TUT4: variants seen among roughly 807,000 people sequenced by gnomAD.
TUT4 encodes terminal uridylyltransferase 4.
In TUT4, 36 loss-of-function variants were observed where a neutral mutation model predicts 192.2. The ratio of observed to expected loss-of-function variants is 0.19; its 90% CI spans 0.14 to 0.25. The LOEUF (loss-of-function observed/expected upper bound fraction) is 0.25, where lower values mean the gene tolerates loss of function less well. Ranked by LOEUF, TUT4 falls within the 10% of genes least tolerant of loss-of-function variation. The pLI is 1.00. For synonymous variants in TUT4, 618 were observed against 666.0 expected (o/e 0.93, Z 1.11); for missense variants, 1,493 against 1,957.2 (o/e 0.76, Z 4.47).
chr1:52,476,989 TTTGTCAACATCAGTTTTTATTTTTC>T (rs1667259832), intron 12 of TUT4, among the ~76,000 whole-genome samples: 1 of 152,226 alleles, frequency 6.6e-6, no homozygotes, highest in Non-Finnish European at 1.5e-5. Context: ...GATGTGAAAC[TTTGTCAACATCAGTTTTTATTTTTC>T]TCCTTTAGCG....
At chr1:52,531,434 T>C (rs1408637347) in intron 1 of TUT4, among the ~76,000 whole-genome samples, 8 of 152,138 alleles carry the variant, frequency 5.3e-5, no homozygotes, top group Non-Finnish European at 8.8e-5. Context: ...AAGGGACTTC[T>C]GTACAGTCTT....
chr1:52,463,226 T>C, intron 16 of TUT4: 1 of 986,450 alleles, frequency 1.0e-6, no homozygotes, highest in Non-Finnish European at 1.2e-6. Context: ...AGAAGATATC[T>C]AAAACTCTAA....
At chr1:52,501,614 C>CA (rs1052702188) in intron 4 of TUT4, among the ~76,000 whole-genome samples, 6 of 151,850 alleles carry the variant, frequency 4.0e-5, no homozygotes, top group East Asian at 1.9e-4. Flanking sequence ...TGGGTATATA[C>CA]AAAAAACAAA....
At position 52,425,331 on chromosome 1, in the gene TUT4, AT is replaced by A; in HGVS notation, c.4870+17del. ...AAAACCCACCCAAGCCTGTTAACTA[AT>A]TTGTAAGCAGTGGTACCTTGAGTAT... On this transcript the variant is annotated intron_variant, in intron 29 of 29. Transcript: ENST00000257177. 6.2e-7 allele frequency: 1 copy of A among 1,609,474 alleles called. No individual in the cohort carries two copies. Among genetic ancestry groups the A allele is most frequent in the Non-Finnish European group, 8.5e-7 (1 of 1,177,188 alleles).
At chr1:52,489,958 T>C (rs934102164) in intron 8 of TUT4, among the ~76,000 whole-genome samples, 1 of 152,286 alleles carries the variant, frequency 6.6e-6, no homozygotes, top group Middle Eastern at 3.4e-3. Context: ...TACTTTCAAA[T>C]AGGATTTAGT....
At chr1:52,503,305 G>C (rs1277920557) in intron 4 of TUT4, among the ~76,000 whole-genome samples, 1 of 151,896 alleles carries the variant, frequency 6.6e-6, no homozygotes, top group Admixed American at 6.6e-5. Context: ...ACAGTCAAGA[G>C]AGAAAGATTA....
chr1:52,472,431 C>T (rs529866416), intron 13 of TUT4, among the ~76,000 whole-genome samples: 1 of 152,090 alleles, frequency 6.6e-6, no homozygotes, highest in South Asian at 2.1e-4. Context: ...TTTTAACTTA[C>T]TGAGATCTAA....
intron 2 of TUT4, among the ~76,000 whole-genome samples, chr1:52,524,356 T>C (rs925519816): frequency 6.6e-6 from 1 of 151,600 alleles, no homozygotes; most frequent in East Asian, 1.9e-4. Flanking sequence ...ACCCCGTCTC[T>C]ACTAAAAATA....
In TUT4 at chr1:52,495,024, T is replaced by C. The variant is rs185849302; in HGVS notation, c.1266+403A>G. ...TATATTAATATTATCTCATTTAATA[T>C]AAAAATTATTATTCCTGTTTTGGAA... is the stretch of plus-strand genomic sequence containing the variant. On this transcript the variant is annotated intron_variant, in intron 6 of 29. Coordinates refer to ENST00000257177, the MANE Select transcript of TUT4 (RefSeq NM_001009881.3). Among the ~76,000 whole-genome samples, 706 of 152,238 alleles carry C rather than the reference T, an allele frequency of 4.6e-3. 1 individual carries two copies. Among genetic ancestry groups the C allele is most frequent in the Non-Finnish European group, 7.5e-3 (508 of 68,008 alleles).
intron 4 of TUT4, among the ~76,000 whole-genome samples, chr1:52,497,765 T>C (rs563064356): frequency 6.6e-6 from 1 of 152,340 alleles, no homozygotes; most frequent in East Asian, 1.9e-4. Flanking sequence ...TTTTCTGATT[T>C]AAAAAATGTT....
At chr1:52,479,478 T>C (rs575645423) in intron 11 of TUT4, among the ~76,000 whole-genome samples, 1 of 152,274 alleles carries the variant, frequency 6.6e-6, no homozygotes, top group Admixed American at 6.5e-5. Context: ...AATCAAATTC[T>C]GGATACATGT....
Position 52,423,505 on chromosome 1 carries a change from CCTAA to C in TUT4, c.*426_*429del, listed in dbSNP as rs1557601449. On this transcript the variant is annotated 3_prime_UTR_variant, in exon 30 of 30. Transcript: ENST00000257177. ...CAATTTAAAACACATGAAATTCTTT[CCTAA>C]CTTTTAAGAACAATATATAAAGTCT... The C allele has an allele frequency of 5.3e-6, 1 of 187,186 alleles. No homozygotes were observed. Among genetic ancestry groups the C allele is most frequent in the East Asian group, 1.5e-4 (1 of 6,468 alleles). The allele number at this position is 187,186 out of a possible 1,614,324, so 11.6% of individuals were successfully genotyped here.
chr1:52,497,215 CA>C lies in TUT4; in HGVS notation c.1000-33del, dbSNP rs34809739. The C allele has an allele frequency of 3.0e-3, 4,548 of 1,531,440 alleles. 35 individuals carry two copies. The highest frequency in any genetic ancestry group is 0.027 in the African/African-American group (1,889 of 70,548). The allele number at this position is 1,531,440 out of a possible 1,614,324, so 94.9% of individuals were successfully genotyped here. On this transcript the variant is annotated intron_variant, in intron 4 of 29. Transcript: ENST00000257177. Reference sequence around the variant, plus strand: ...ATGTAATGATTCACAACAATAAAAACAAAAAAAGTTTCTATTTTAATTGTTC... The same window carrying C: ...ATGTAATGATTCACAACAATAAAAACAAAAAAGTTTCTATTTTAATTGTTC...
At chr1:52,443,448 G>C (rs1656340676) in intron 24 of TUT4, among the ~76,000 whole-genome samples, 1 of 151,614 alleles carries the variant, frequency 6.6e-6, no homozygotes, top group East Asian at 1.9e-4. Context: ...AATTAGCCAG[G>C]TGTGGTGGCG....
In TUT4 at chr1:52,493,551, A is replaced by G. The variant is rs566916914; in HGVS notation, c.1318+60T>C. 447 of 1,217,608 alleles carry G rather than the reference A, an allele frequency of 3.7e-4. 2 individuals carry two copies. The South Asian group carries it at 5.6e-3, about 15-fold the overall frequency. 75.4% of individuals were successfully genotyped at this position (1,217,608 alleles called of 1,614,324 possible). A position where few individuals can be genotyped will look rare whatever the true frequency, so the allele number is the denominator to read the frequency against. ...TTGGTTAGCCATATATAAACAACAC[A>G]TGTACCTTTAGAAAGACAAATTAAA... On this transcript the variant is annotated intron_variant, in intron 7 of 29. Coordinates refer to ENST00000257177, the MANE Select transcript of TUT4 (RefSeq NM_001009881.3).
At chr1:52,494,953 T>G (rs1672096543) in intron 6 of TUT4, among the ~76,000 whole-genome samples, 1 of 152,100 alleles carries the variant, frequency 6.6e-6, no homozygotes, top group Non-Finnish European at 1.5e-5. Flanking sequence ...GTACTACTTA[T>G]TAAAAGTACC....
intron 9 of TUT4, among the ~76,000 whole-genome samples, chr1:52,488,375 C>T (rs981457835): frequency 2.6e-5 from 4 of 152,160 alleles, no homozygotes; most frequent in African/African-American, 9.7e-5. Context: ...CCTATCCCCA[C>T]ATCAAAGAAA....
intron 1 of TUT4, among the ~76,000 whole-genome samples, chr1:52,550,611 C>A (rs1689187651): frequency 6.6e-6 from 1 of 151,450 alleles, no homozygotes; most frequent in Non-Finnish European, 1.5e-5. Flanking sequence ...AGGCAAACCT[C>A]CTACCTCAGC....
At chr1:52,455,607 T>TAAA (rs34934935) in intron 20 of TUT4, among the ~76,000 whole-genome samples, 1 of 40,566 alleles carries the variant, frequency 2.5e-5, no homozygotes, top group African/African-American at 1.0e-4. Context: ...ACGCTACCTT[T>TAAA]AAAAAAAAAA....
Sources: gnomAD v4.1 joint callset for allele counts (sites outside exome capture counted in the v4.1 genomes callset) on GRCh38, gnomAD v4.1.1 for gene constraint, MANE v1.5 for transcripts, NCBI Gene and HGNC (gene_info 2026-07-23, HGNC 2026-07-21) for gene names.